Variants in PPTC7 observed in about 807,000 individuals in gnomAD.
PPTC7 encodes the protein protein phosphatase targeting COQ7, also known as protein phosphatase PTC7 homolog.
In PPTC7, 6 loss-of-function variants were observed where a neutral mutation model predicts 30.8. That is an observed-to-expected ratio of 0.19 (90% CI 0.11 to 0.38). The LOEUF (loss-of-function observed/expected upper bound fraction) is 0.38. Among genes scored for constraint, PPTC7 ranks in the 10% least tolerant of loss-of-function variants. The pLI is 1.00. For synonymous variants in PPTC7, 163 were observed against 168.1 expected, an observed-to-expected ratio of 0.97 and a Z score of 0.23; for missense variants, 218 against 404.8, an observed-to-expected ratio of 0.54 and a Z score of 3.96.
chr12:110,537,133 A>AG (rs904731540), intron 5 of PPTC7, 38 bp from the exon 6 acceptor site: 1 of 1,495,644 alleles, frequency 6.7e-7, no homozygotes, highest in Non-Finnish European at 9.3e-7. Flanking sequence ...ATATTTTAAA[A>AG]GGAAAAGTCA....
intron 1 of PPTC7, among the ~76,000 whole-genome samples, chr12:110,553,710 T>C (rs2064365843): frequency 1.3e-5 from 2 of 152,070 alleles, no homozygotes. Context: ...GCCCCAGTGG[T>C]TGGGGCTACC....
chr12:110,569,113 AC>A (rs1310301876), intron 1 of PPTC7, among the ~76,000 whole-genome samples: 1 of 149,406 alleles, frequency 6.7e-6, no homozygotes, highest in African/African-American at 2.5e-5. Context: ...TGGACAGATC[AC>A]TTGAGGTCTG....
At chr12:110,552,559 G>A (rs1432388986) in intron 1 of PPTC7, among the ~76,000 whole-genome samples, 1 of 152,218 alleles carries the variant, frequency 6.6e-6, no homozygotes, top group Non-Finnish European at 1.5e-5. Flanking sequence ...CTTGAGACAT[G>A]CTCTAAGTAT....
rs201026221 is a variant in PPTC7, at chr12:110,564,824, TATAC to T, written c.224-12860_224-12857del. On this transcript the variant is annotated intron_variant, in intron 1 of 5. Transcript: ENST00000354300. ...ATACACGTATATGTATATGTGTATA[TATAC>T]ATACACGTTATATATATATACACGT... 1.1e-3 allele frequency among the ~76,000 whole-genome samples: 126 copies of T among 113,514 alleles called. 2 individuals are homozygous for T. The highest frequency in any genetic ancestry group is 4.7e-3 in the Middle Eastern group (1 of 214). The allele number at this position is 113,514 out of a possible 152,430, so 74.5% of individuals were successfully genotyped here. A position where few individuals can be genotyped will look rare whatever the true frequency, so the allele number is the denominator to read the frequency against.
At chr12:110,580,737 T>C (rs1240932009) in intron 1 of PPTC7, among the ~76,000 whole-genome samples, 3 of 151,862 alleles carry the variant, frequency 2.0e-5, no homozygotes, top group Non-Finnish European at 4.4e-5. Flanking sequence ...TTCACAAAAG[T>C]CGCATACAGA....
chr12:110,553,392 C>G (rs776990202), intron 1 of PPTC7, among the ~76,000 whole-genome samples: 2 of 151,910 alleles, frequency 1.3e-5, no homozygotes, highest in African/African-American at 2.4e-5. Flanking sequence ...GATCTGCCAG[C>G]CTCGGCCTCC....
intron 1 of PPTC7, among the ~76,000 whole-genome samples, chr12:110,566,092 T>C (rs1157879819): frequency 6.6e-6 from 1 of 152,118 alleles, no homozygotes; most frequent in Non-Finnish European, 1.5e-5. Context: ...TAAATGTCTA[T>C]TACATTCATG....
chr12:110,581,447 T>C (rs2064636527), intron 1 of PPTC7, among the ~76,000 whole-genome samples: 1 of 151,680 alleles, frequency 6.6e-6, no homozygotes, highest in Non-Finnish European at 1.5e-5. Context: ...CACAAGCTCA[T>C]TGAGTGAGGC....
At chr12:110,551,396 G>A (rs1009874374) in intron 2 of PPTC7, among the ~76,000 whole-genome samples, 1 of 152,116 alleles carries the variant, frequency 6.6e-6, no homozygotes, top group Non-Finnish European at 1.5e-5. Flanking sequence ...CCCAGGCTGG[G>A]GTGCAATGGC....
At chr12:110,574,623 T>C (rs1355150672) in intron 1 of PPTC7, among the ~76,000 whole-genome samples, 3 of 152,206 alleles carry the variant, frequency 2.0e-5, no homozygotes, top group African/African-American at 7.2e-5. Context: ...AGTTGTCAAC[T>C]CAAGTTGAAA....
At position 110,534,106 on chromosome 12, in the gene PPTC7, G is replaced by C. The variant is rs2064198744; in HGVS notation, c.*2931C>G. The C allele has an allele frequency of 6.6e-6, 1 of 150,612 alleles. No individual in the cohort carries two copies. Among genetic ancestry groups the C allele is most frequent in the Admixed American group, 6.6e-5 (1 of 15,148 alleles). 9.3% of individuals were successfully genotyped at this position (150,612 alleles called of 1,614,324 possible). Reference sequence around the variant, plus strand: ...GTTTTTAGAGCCTATGGACTCTACTGCATCTCCATTTGGTAAATTTTTTTT... The same window carrying C: ...GTTTTTAGAGCCTATGGACTCTACTCCATCTCCATTTGGTAAATTTTTTTT... On this transcript the variant is annotated 3_prime_UTR_variant, in exon 6 of 6. Coordinates refer to ENST00000354300, the MANE Select transcript of PPTC7 (RefSeq NM_139283.2).
rs773670591 is a variant in PPTC7 at position 110,533,741 on chromosome 12, G to A, written c.*3296C>T. 1 of 152,070 alleles carries A rather than the reference G, an allele frequency of 6.6e-6. No homozygotes were observed. The highest frequency in any genetic ancestry group is 2.4e-5 in the African/African-American group (1 of 41,402). The allele number at this position is 152,070 out of a possible 1,614,324, so 9.4% of individuals were successfully genotyped here. A position where few individuals can be genotyped will look rare whatever the true frequency, so the allele number is the denominator to read the frequency against. On this transcript the variant is annotated 3_prime_UTR_variant, in exon 6 of 6. Coordinates refer to ENST00000354300, the MANE Select transcript of PPTC7 (RefSeq NM_139283.2). Reference sequence around the variant, plus strand: ...TCCAAAGTACAAACGTTTACAATTCGAGCCAATCTTGTTTACATTCTCTCA... The same window carrying A: ...TCCAAAGTACAAACGTTTACAATTCAAGCCAATCTTGTTTACATTCTCTCA...
chr12:110,549,526 G>A (rs771667561), intron 2 of PPTC7, among the ~76,000 whole-genome samples: 40 of 150,636 alleles, frequency 2.7e-4, no homozygotes, highest in Admixed American at 1.9e-3. Context: ...TAGATTTTGT[G>A]AAAAAAAGGT....
chr12:110,556,929 T>C (rs536297845), intron 1 of PPTC7, among the ~76,000 whole-genome samples: 1 of 151,804 alleles, frequency 6.6e-6, no homozygotes, highest in African/African-American at 2.4e-5. Context: ...GAAAGTGGCA[T>C]TCGGATAGGC....
At chr12:110,577,572 T>A (rs1233915823) in intron 1 of PPTC7, among the ~76,000 whole-genome samples, 1 of 152,218 alleles carries the variant, frequency 6.6e-6, no homozygotes, top group Admixed American at 6.6e-5. Context: ...GATCTTAATT[T>A]TGTTCATATG....
chr12:110,558,624 T>C (rs1419585077), intron 1 of PPTC7, among the ~76,000 whole-genome samples: 2 of 152,190 alleles, frequency 1.3e-5, no homozygotes, highest in Non-Finnish European at 2.9e-5. Context: ...CTTTAGTGTT[T>C]TTGTTTGTTT....
In PPTC7 at chr12:110,583,015, G is replaced by C; in HGVS notation, c.17C>G (p.Ser6Trp). 2 of 1,444,340 alleles carry C rather than the reference G, an allele frequency of 1.4e-6. No homozygotes were observed. Among genetic ancestry groups the C allele is most frequent in the Non-Finnish European group, 1.8e-6 (2 of 1,107,782 alleles). The allele number at this position is 1,444,340 out of a possible 1,614,324, so 89.5% of individuals were successfully genotyped here. A position where few individuals can be genotyped will look rare whatever the true frequency, so the allele number is the denominator to read the frequency against. ...GGCGCGGGCCACCAGCCGCCCGTAC[G>C]AGAGGACCGAGAACATCGCCGCCGC... MFSVL[S>W]YGRLVARAVL... is the part of the protein sequence containing the mutation. The change falls in exon 1 of 6, where the codon TCG becomes TGG. Residue 6 changes from serine to tryptophan, a missense_variant. Ser to Trp is a radical substitution (Grantham distance 177). Transcript: ENST00000354300.
At position 110,545,990 on chromosome 12, in the gene PPTC7, G is replaced by C; in HGVS notation, c.492C>G (p.Val164=). The C allele has an allele frequency of 6.2e-7, 1 of 1,614,210 alleles. No individual in the cohort carries two copies. The highest frequency in any genetic ancestry group is 8.5e-7 in the Non-Finnish European group (1 of 1,180,044). Reference sequence around the variant, plus strand: ...ATCGGTGCACGACTTCACCACCCCTGACAACCAGGAAGCCTGAATCGCCCA... The same window carrying C: ...ATCGGTGCACGACTTCACCACCCCTCACAACCAGGAAGCCTGAATCGCCCA... The part of the protein sequence containing the change: ...ANLGDSGFLV[V]RGGEVVHRSD... Residue 164 remains valine (V), a synonymous_variant, in exon 3 of 6, where the codon GTC becomes GTG. Transcript: ENST00000354300.
At chr12:110,549,217 A>G (rs1456131729) in intron 2 of PPTC7, among the ~76,000 whole-genome samples, 1 of 152,200 alleles carries the variant, frequency 6.6e-6, no homozygotes, top group Non-Finnish European at 1.5e-5. Flanking sequence ...TTATCAATCC[A>G]TTTAAAGGTT....
Sources: gnomAD v4.1 joint callset for allele counts (sites outside exome capture counted in the v4.1 genomes callset) on GRCh38, gnomAD v4.1.1 for gene constraint, MANE v1.5 for transcripts, NCBI Gene and HGNC (gene_info 2026-07-23, HGNC 2026-07-21) for gene names.